Variants in GPC6 observed in about 807,000 individuals in gnomAD.
The protein encoded by GPC6 is glypican 6, also known as glypican-6.
In GPC6, 14 loss-of-function variants were observed where a neutral mutation model predicts 55.2. The observed-to-expected ratio is 0.25, with a 90% CI of 0.17 to 0.40. GPC6 has a LOEUF of 0.40. GPC6 is among the 10% of genes least tolerant of loss of function. GPC6 has a pLI of 1.00. For synonymous variants in GPC6, 278 were observed against 259.6 expected, an observed-to-expected ratio of 1.07 and a Z score of -0.68; for missense variants, 641 against 708.5, an observed-to-expected ratio of 0.90 and a Z score of 1.08.
At chr13:93,366,313 A>T (rs1881245667) in intron 1 of GPC6, among the ~76,000 whole-genome samples, 1 of 152,114 alleles carries the variant, frequency 6.6e-6, no homozygotes, top group Admixed American at 6.6e-5. Context: ...GTTTAATGTT[A>T]ACAAAATAAA....
chr13:94,039,286 A>G (rs1883448431), intron 4 of GPC6, among the ~76,000 whole-genome samples: 1 of 151,912 alleles, frequency 6.6e-6, no homozygotes, highest in African/African-American at 2.4e-5. Flanking sequence ...GAATGTCAGG[A>G]TCTAAATAGT....
At chr13:93,596,612 T>TAA (rs1324359347) in intron 2 of GPC6, among the ~76,000 whole-genome samples, 423 of 18,642 alleles carry the variant, frequency 0.023, 2 homozygotes, top group East Asian at 0.18. Flanking sequence ...AATAAATAAA[T>TAA]ATATATATAT....
chr13:93,528,546 A>G (rs967694731), intron 1 of GPC6, among the ~76,000 whole-genome samples: 7 of 152,192 alleles, frequency 4.6e-5, no homozygotes, highest in Non-Finnish European at 1.0e-4. Context: ...ACTTGTCCAT[A>G]AAGATGACAC....
At chr13:93,755,866 G>T (rs1419772594) in intron 2 of GPC6, among the ~76,000 whole-genome samples, 1 of 152,120 alleles carries the variant, frequency 6.6e-6, no homozygotes, top group Admixed American at 6.6e-5. Context: ...ATGCTTTAAA[G>T]AACAGAATTT....
intron 2 of GPC6, among the ~76,000 whole-genome samples, chr13:93,747,814 C>G (rs1395545978): frequency 6.6e-6 from 1 of 152,160 alleles, no homozygotes; most frequent in Non-Finnish European, 1.5e-5. Flanking sequence ...TTTCAACCTA[C>G]AATGGGTTTA....
At chr13:93,906,162 T>TTC (rs1012930648) in intron 3 of GPC6, among the ~76,000 whole-genome samples, 5 of 151,638 alleles carry the variant, frequency 3.3e-5, no homozygotes, top group African/African-American at 4.8e-5. Context: ...TTCTCTCTCA[T>TTC]TCTCTCTCTC....
At chr13:93,755,558 G>T (rs915194225) in intron 2 of GPC6, among the ~76,000 whole-genome samples, 1 of 152,280 alleles carries the variant, frequency 6.6e-6, no homozygotes, top group South Asian at 2.1e-4. Context: ...CTAGGGAGAG[G>T]TTAGCACTTT....
At chr13:94,059,876 A>G (rs1012484265) in intron 4 of GPC6, among the ~76,000 whole-genome samples, 1 of 151,578 alleles carries the variant, frequency 6.6e-6, no homozygotes, top group African/African-American at 2.4e-5. Flanking sequence ...TTGGGGTTTC[A>G]TTTTCAATAT....
chr13:93,679,774 C>A (rs1325141566), intron 2 of GPC6, among the ~76,000 whole-genome samples: 2 of 150,772 alleles, frequency 1.3e-5, no homozygotes, highest in Admixed American at 6.6e-5. Context: ...ATTAATTTCA[C>A]AAATATTCGC....
chr13:94,044,456 G>T (rs1883652407), intron 4 of GPC6, among the ~76,000 whole-genome samples: 1 of 151,850 alleles, frequency 6.6e-6, no homozygotes. Context: ...AATTGTAGAA[G>T]TTATTCCAGA....
chr13:94,287,234 C>T (rs1428379496), intron 5 of GPC6, among the ~76,000 whole-genome samples: 1 of 152,208 alleles, frequency 6.6e-6, no homozygotes, highest in Admixed American at 6.5e-5. Flanking sequence ...GTTCTCTTGA[C>T]TAGTATCCCT....
intron 1 of GPC6, among the ~76,000 whole-genome samples, chr13:93,406,854 A>C (rs570626136): frequency 3.3e-5 from 5 of 152,272 alleles, no homozygotes; most frequent in Admixed American, 2.6e-4. Context: ...GCTAACCTGA[A>C]ATATTTAAAA....
Position 93,597,813 on chromosome 13 carries a change from A to C in GPC6, c.319+52392A>C, listed in dbSNP as rs146342361. Among the ~76,000 whole-genome samples the C allele has an allele frequency of 1.9e-3, 288 of 152,284 alleles. 2 individuals carry two copies. Among genetic ancestry groups the C allele is most frequent in the African/African-American group, 6.7e-3 (279 of 41,550 alleles). On this transcript the variant is annotated intron_variant, in intron 2 of 8. Transcript: ENST00000377047. ...CGTCTTATCAGTAAGGCTTCTAGTC[A>C]GCAGTAGGGTTTTAATAGTTATGCT...
At chr13:93,431,363 A>T (rs939050846) in intron 1 of GPC6, among the ~76,000 whole-genome samples, 1 of 152,112 alleles carries the variant, frequency 6.6e-6, no homozygotes, top group Non-Finnish European at 1.5e-5. Context: ...GGGAAACATG[A>T]AGGTTAGCCA....
At chr13:93,451,618 T>C (rs1878227401) in intron 1 of GPC6, among the ~76,000 whole-genome samples, 1 of 152,264 alleles carries the variant, frequency 6.6e-6, no homozygotes, top group Admixed American at 6.5e-5. Context: ...AGTTGAGTAG[T>C]TGCAGCAGGG....
chr13:93,696,604 A>T (rs994876544), intron 2 of GPC6, among the ~76,000 whole-genome samples: 1 of 143,178 alleles, frequency 7.0e-6, no homozygotes, highest in Non-Finnish European at 1.5e-5. Flanking sequence ...TATACTGGTT[A>T]CCTCCATAAA....
chr13:93,800,788 T>C (rs1886344544), intron 2 of GPC6, among the ~76,000 whole-genome samples: 1 of 152,214 alleles, frequency 6.6e-6, no homozygotes, highest in South Asian at 2.1e-4. Context: ...ATCCTATCAG[T>C]GTGAACATCA....
At chr13:93,889,702 C>T (rs767680415) in intron 3 of GPC6, among the ~76,000 whole-genome samples, 67 of 152,124 alleles carry the variant, frequency 4.4e-4, no homozygotes, top group Non-Finnish European at 8.2e-4. Flanking sequence ...AAGCAGTCAG[C>T]GAAAAGTCAA....
intron 7 of GPC6, among the ~76,000 whole-genome samples, chr13:94,396,070 C>T (rs1880884370): frequency 6.6e-6 from 1 of 152,222 alleles, no homozygotes; most frequent in African/African-American, 2.4e-5. Context: ...TTGGGTGCCT[C>T]TCTGTGGTAT....
Sources: gnomAD v4.1 joint callset for allele counts (sites outside exome capture counted in the v4.1 genomes callset) on GRCh38, gnomAD v4.1.1 for gene constraint, MANE v1.5 for transcripts, NCBI Gene and HGNC (gene_info 2026-07-23, HGNC 2026-07-21) for gene names.